The following CACNB2 variants were observed in gnomAD, a reference collection of about 807,000 sequenced individuals.
CACNB2 encodes voltage-dependent L-type calcium channel subunit beta-2.
In CACNB2, 42 loss-of-function variants were observed where a neutral mutation model predicts 73.3. The observed-to-expected ratio is 0.57, with a 90% CI of 0.45 to 0.74. The LOEUF is 0.74. Ranked by LOEUF, CACNB2 falls within the 30% of genes least tolerant of loss-of-function variation. The probability of loss-of-function intolerance (pLI) is 0.00; values close to 1 mark genes in which losing one functional copy is unlikely to be tolerated. For synonymous variants in CACNB2, 348 were observed against 310.3 expected, an observed-to-expected ratio of 1.12 and a Z score of -1.28; for missense variants, 940 against 853.0, an observed-to-expected ratio of 1.10 and a Z score of -1.27.
chr10:18,492,953 A>G (rs1054256675), intron 3 of CACNB2, among the ~76,000 whole-genome samples: 3 of 152,224 alleles, frequency 2.0e-5, no homozygotes, highest in African/African-American at 7.2e-5. Context: ...CTTACTGTAT[A>G]TAGTTAGCCC....
At chr10:18,422,555 C>G (rs906898568) in intron 3 of CACNB2, among the ~76,000 whole-genome samples, 4 of 152,194 alleles carry the variant, frequency 2.6e-5, no homozygotes, top group African/African-American at 9.7e-5. Context: ...TCTCTCCTCA[C>G]TCGTCACCTC....
intron 2 of CACNB2, among the ~76,000 whole-genome samples, chr10:18,188,641 A>G (rs1431943124): frequency 6.6e-6 from 1 of 152,164 alleles, no homozygotes; most frequent in East Asian, 1.9e-4. Context: ...TAAATTATGA[A>G]AATAGTATAT....
intron 3 of CACNB2, among the ~76,000 whole-genome samples, chr10:18,426,688 A>G (rs1055033767): frequency 6.6e-6 from 1 of 152,174 alleles, no homozygotes. Flanking sequence ...AAAATTAAAA[A>G]TAAATTAAAA....
intron 2 of CACNB2, among the ~76,000 whole-genome samples, chr10:18,393,749 A>G (rs921354558): frequency 2.6e-5 from 4 of 152,136 alleles, no homozygotes; most frequent in Non-Finnish European, 4.4e-5. Context: ...CTTGGCTTCT[A>G]TTGTTTTCCG....
rs771483336 is a variant in CACNB2, at chr10:18,518,319, C to G, written c.805-17C>G. The G allele has an allele frequency of 6.3e-7, 1 of 1,586,348 alleles. No individual in the cohort carries two copies. The highest frequency in any genetic ancestry group is 8.7e-7 in the Non-Finnish European group (1 of 1,154,754). ...ACCTGCCTGTGAAACGTCTAAAAGC[C>G]TCTCCTCTCTCTGCAGACAGAGCAC... On this transcript the variant is annotated splice_polypyrimidine_tract_variant and intron_variant, in intron 7 of 13. Coordinates refer to ENST00000324631, the MANE Select transcript of CACNB2 (RefSeq NM_201596.3).
At position 18,275,752 on chromosome 10, in the gene CACNB2, C is replaced by G. The variant is rs1203320723; in HGVS notation, c.213+124777C>G. ...CTCATCATGGTTTTAAAAATTTATT[C>G]TTGTTAAATAATGGCTCTGTGTTTT... On this transcript the variant is annotated intron_variant, in intron 2 of 13. Coordinates refer to ENST00000324631, the MANE Select transcript of CACNB2 (RefSeq NM_201596.3). Among the ~76,000 whole-genome samples the G allele has an allele frequency of 2.6e-5, 4 of 152,034 alleles. No individual in the cohort carries two copies. In the East Asian group the frequency reaches 7.7e-4, roughly 29 times the overall value.
At chr10:18,206,612 A>T (rs1447261053) in intron 2 of CACNB2, 1 of 152,288 alleles carries the variant, frequency 6.6e-6, no homozygotes, top group East Asian at 1.9e-4. Flanking sequence ...TAGGAGCAAG[A>T]CGCAGGCTGC....
At chr10:18,385,376 C>A (rs1287048858) in intron 2 of CACNB2, among the ~76,000 whole-genome samples, 2 of 42,728 alleles carry the variant, frequency 4.7e-5, no homozygotes, top group South Asian at 1.6e-3. Context: ...CCCCCCCCCT[C>A]GCCCCCCACA....
At chr10:18,405,047 A>G (rs2044211046) in intron 3 of CACNB2, among the ~76,000 whole-genome samples, 1 of 152,226 alleles carries the variant, frequency 6.6e-6, no homozygotes, top group Non-Finnish European at 1.5e-5. Flanking sequence ...GCTATCTGAT[A>G]TTACCTTAAA....
At chr10:18,459,951 T>C (rs2047478206) in intron 3 of CACNB2, among the ~76,000 whole-genome samples, 1 of 152,092 alleles carries the variant, frequency 6.6e-6, no homozygotes, top group Non-Finnish European at 1.5e-5. Flanking sequence ...TGAGCCGAGA[T>C]CGCACCACTG....
chr10:18,515,302 C>A (rs899562106), intron 7 of CACNB2, among the ~76,000 whole-genome samples: 1 of 149,888 alleles, frequency 6.7e-6, no homozygotes, highest in African/African-American at 2.5e-5. Flanking sequence ...TTTTTAAGGA[C>A]CACTAACCTC....
At chr10:18,184,758 G>A (rs567148178) in intron 2 of CACNB2, among the ~76,000 whole-genome samples, 2 of 149,894 alleles carry the variant, frequency 1.3e-5, no homozygotes, top group African/African-American at 4.9e-5. Flanking sequence ...TACAGGTGCA[G>A]GACATGCAGG....
chr10:18,392,937 G>A (rs1322638173), intron 2 of CACNB2, among the ~76,000 whole-genome samples: 10 of 151,978 alleles, frequency 6.6e-5, no homozygotes, highest in South Asian at 2.1e-4. Flanking sequence ...GGCTGGATGC[G>A]GTGGCTCACA....
chr10:18,427,908 G>A (rs955528974), intron 3 of CACNB2, among the ~76,000 whole-genome samples: 2 of 151,006 alleles, frequency 1.3e-5, no homozygotes, highest in Admixed American at 1.3e-4. Flanking sequence ...TTTAAATTTG[G>A]TTCTAATTTC....
intron 2 of CACNB2, among the ~76,000 whole-genome samples, chr10:18,302,469 GGATAGA>G (rs1176367483): frequency 6.6e-6 from 1 of 152,142 alleles, no homozygotes; most frequent in Non-Finnish European, 1.5e-5. Context: ...ATAAACGAGT[GGATAGA>G]GAAACTGTGC....
At chr10:18,462,077 T>G (rs1220773012) in intron 3 of CACNB2, among the ~76,000 whole-genome samples, 1 of 152,206 alleles carries the variant, frequency 6.6e-6, no homozygotes, top group South Asian at 2.1e-4. Flanking sequence ...ATTTTCCCCA[T>G]GCACACGAAC....
chr10:18,510,696 G>C (rs1044990044), intron 6 of CACNB2, among the ~76,000 whole-genome samples: 5 of 152,200 alleles, frequency 3.3e-5, no homozygotes, highest in Admixed American at 6.5e-5. Context: ...GAACTTGACT[G>C]TCCAAGGGTC....
chr10:18,479,532 C>G (rs2048612796), intron 3 of CACNB2, among the ~76,000 whole-genome samples: 1 of 152,128 alleles, frequency 6.6e-6, no homozygotes. Context: ...TGGTTTGGCT[C>G]TGTGTCCCCA....
At chr10:18,498,599 C>G in intron 4 of CACNB2, 122 bp downstream of exon 4, 1 of 970,974 alleles carries the variant, frequency 1.0e-6, no homozygotes, top group Non-Finnish European at 1.6e-6. Context: ...TTGTATAACA[C>G]ACATAACTAA....
Sources: allele counts gnomAD v4.1 joint callset (sites outside exome capture counted in the v4.1 genomes callset), GRCh38; gene constraint gnomAD v4.1.1; transcripts MANE v1.5; gene names NCBI Gene and HGNC (gene_info 2026-07-23, HGNC 2026-07-21).